BTBD9: variants seen among roughly 807,000 people sequenced by gnomAD.
BTBD9 encodes BTB/POZ domain-containing protein 9.
Under a neutral mutation model 64.3 loss-of-function variants are expected in BTBD9, and 49 were observed. The observed-to-expected ratio is 0.76, with a 90% CI of 0.61 to 0.97. BTBD9 has a LOEUF of 0.97. Among genes scored for constraint, BTBD9 ranks in the 50% least tolerant of loss-of-function variants. The pLI is 0.00. For missense variants in BTBD9, 598 were observed against 762.1 expected, an observed-to-expected ratio of 0.78 and a Z score of 2.53; for synonymous variants, 260 against 274.7, an observed-to-expected ratio of 0.95 and a Z score of 0.53.
At chr6:38,401,169 T>C (rs1330361656) in intron 6 of BTBD9, among the ~76,000 whole-genome samples, 3 of 152,200 alleles carry the variant, frequency 2.0e-5, no homozygotes, top group African/African-American at 7.2e-5. Context: ...GACTGGGTCA[T>C]GGGGACTGTT....
At chr6:38,384,685 C>T (rs1766079346) in intron 6 of BTBD9, among the ~76,000 whole-genome samples, 1 of 152,144 alleles carries the variant, frequency 6.6e-6, no homozygotes, top group African/African-American at 2.4e-5. Flanking sequence ...GTGATAACTC[C>T]TAAATAACCT....
intron 5 of BTBD9, among the ~76,000 whole-genome samples, chr6:38,578,968 C>G (rs1313544424): frequency 6.6e-6 from 1 of 152,060 alleles, no homozygotes; most frequent in Non-Finnish European, 1.5e-5. Flanking sequence ...GCTTTTAGAA[C>G]AGTGTCTACC....
chr6:38,174,700 T>C lies in BTBD9; in HGVS notation c.*285A>G. ...ATGACTTCCTCCTGTTCCCTGCGCCTGGGCTAGATTAGAGAGGTAGGGTGT... is the reference window on the plus strand; with the variant it reads ...ATGACTTCCTCCTGTTCCCTGCGCCCGGGCTAGATTAGAGAGGTAGGGTGT... On this transcript the variant is annotated 3_prime_UTR_variant, in exon 11 of 11. Coordinates refer to ENST00000481247, the MANE Select transcript of BTBD9 (RefSeq NM_001099272.2). 2.3e-6 allele frequency: 1 copy of C among 439,882 alleles called. No homozygotes were observed. Among genetic ancestry groups the C allele is most frequent in the Non-Finnish European group, 4.1e-6 (1 of 246,830 alleles). The allele number at this position is 439,882 out of a possible 1,614,324, so 27.2% of individuals were successfully genotyped here.
At chr6:38,267,457 T>G (rs763927349) in intron 8 of BTBD9, among the ~76,000 whole-genome samples, 4 of 151,728 alleles carry the variant, frequency 2.6e-5, no homozygotes, top group Non-Finnish European at 5.9e-5. Flanking sequence ...GGTAGGGGAG[T>G]AGAGTCACCT....
intron 6 of BTBD9, among the ~76,000 whole-genome samples, chr6:38,556,020 C>T (rs1346535940): frequency 1.3e-5 from 2 of 152,198 alleles, no homozygotes; most frequent in Admixed American, 6.5e-5. Flanking sequence ...CATTAGTGAA[C>T]ATTTTTATAC....
At chr6:38,511,620 G>A (rs1772779709) in intron 6 of BTBD9, among the ~76,000 whole-genome samples, 1 of 152,040 alleles carries the variant, frequency 6.6e-6, no homozygotes, top group South Asian at 2.1e-4. Flanking sequence ...GAGATTACAG[G>A]CATGAGCCAC....
In BTBD9 at chr6:38,432,245, T is replaced by C. The variant is rs1436441165; in HGVS notation, c.1155-87152A>G. On this transcript the variant is annotated intron_variant, in intron 6 of 10. Transcript: ENST00000481247. ...CCTTGGATTTCCCAGCCTCCAGCGC[T>C]GTGAGCCAAATATAGTTCTGAAACT... Among the ~76,000 whole-genome samples the C allele has an allele frequency of 2.0e-5, 3 of 152,166 alleles. No homozygotes were observed. In the South Asian group the frequency reaches 6.2e-4, roughly 32 times the overall value.
At position 38,263,662 on chromosome 6, in the gene BTBD9, C is replaced by A. The variant is rs143764243; in HGVS notation, c.1455-7146G>T. Among the ~76,000 whole-genome samples, 100 of 152,272 alleles carry A rather than the reference C, an allele frequency of 6.6e-4. 1 individual carries two copies. Among genetic ancestry groups the A allele is most frequent in the African/African-American group, 2.4e-3 (100 of 41,558 alleles). On this transcript the variant is annotated intron_variant, in intron 8 of 10. Coordinates refer to ENST00000481247, the MANE Select transcript of BTBD9 (RefSeq NM_001099272.2). ...GGCATACAGAAGCAAAGAAAGATAC[C>A]TGCAGTGAGAAGCAGAGACCACAGG...
chr6:38,501,885 T>A (rs910277282), intron 6 of BTBD9, among the ~76,000 whole-genome samples: 1 of 152,246 alleles, frequency 6.6e-6, no homozygotes, highest in Non-Finnish European at 1.5e-5. Flanking sequence ...TATATTGACA[T>A]GTAATGGGTT....
intron 6 of BTBD9, among the ~76,000 whole-genome samples, chr6:38,368,276 C>A (rs559745745): frequency 1.4e-4 from 22 of 152,292 alleles, no homozygotes; most frequent in African/African-American, 5.3e-4. Flanking sequence ...CAATTTCCAT[C>A]CCTTTGGGGG....
At chr6:38,254,419 C>A (rs1188814404) in intron 9 of BTBD9, among the ~76,000 whole-genome samples, 2 of 151,980 alleles carry the variant, frequency 1.3e-5, no homozygotes, top group Non-Finnish European at 2.9e-5. Context: ...CTTGGCCCAG[C>A]CTAGGCAATA....
At chr6:38,194,794 C>T (rs1171467765) in intron 9 of BTBD9, among the ~76,000 whole-genome samples, 4 of 152,162 alleles carry the variant, frequency 2.6e-5, no homozygotes, top group Non-Finnish European at 4.4e-5. Flanking sequence ...CTCTCCTCTC[C>T]CTACGTCAGT....
At chr6:38,283,454 C>T (rs1270118076) in intron 8 of BTBD9, among the ~76,000 whole-genome samples, 4 of 152,114 alleles carry the variant, frequency 2.6e-5, no homozygotes. Context: ...TCGAGACCAG[C>T]CTAGGCAACA....
chr6:38,531,691 A>G (rs1242769293), intron 6 of BTBD9, among the ~76,000 whole-genome samples: 9 of 152,238 alleles, frequency 5.9e-5, no homozygotes. Context: ...AGTTTTAAAA[A>G]AGCAGGGAGG....
intron 9 of BTBD9, among the ~76,000 whole-genome samples, chr6:38,247,314 T>A (rs1045333790): frequency 2.0e-5 from 3 of 152,188 alleles, no homozygotes; most frequent in African/African-American, 7.2e-5. Flanking sequence ...AGAAGAAATA[T>A]TTTCCTCTTT....
At chr6:38,209,295 T>C (rs1044367327) in intron 9 of BTBD9, among the ~76,000 whole-genome samples, 52 of 152,224 alleles carry the variant, frequency 3.4e-4, no homozygotes, top group African/African-American at 1.2e-3. Flanking sequence ...TGGACTCTTG[T>C]ACAGTAATCT....
chr6:38,216,395 C>A lies in BTBD9; in HGVS notation c.1563-23798G>T, dbSNP rs1763010072. Among the ~76,000 whole-genome samples, 2 of 152,218 alleles carry A rather than the reference C, an allele frequency of 1.3e-5. 1 individual carries two copies. The highest frequency in any genetic ancestry group is 1.3e-4 in the Admixed American group (2 of 15,280). Reference sequence around the variant, plus strand: ...TACAGGATCTGTGGAGCACTCCTCACAGTCCTTGGCTAGGACTATGGTGGC... The same window carrying A: ...TACAGGATCTGTGGAGCACTCCTCAAAGTCCTTGGCTAGGACTATGGTGGC... On this transcript the variant is annotated intron_variant, in intron 9 of 10. Transcript: ENST00000481247.
chr6:38,202,965 T>A (rs573043896), intron 9 of BTBD9, among the ~76,000 whole-genome samples: 4 of 152,118 alleles, frequency 2.6e-5, no homozygotes, highest in Non-Finnish European at 5.9e-5. Flanking sequence ...AACAAGGGAC[T>A]AATATCCAGA....
chr6:38,524,155 T>C (rs545436438), intron 6 of BTBD9, among the ~76,000 whole-genome samples: 93 of 151,854 alleles, frequency 6.1e-4, no homozygotes, highest in African/African-American at 2.1e-3. Context: ...AAATTAAATA[T>C]AAAATATAAG....
Sources: allele counts gnomAD v4.1 joint callset (sites outside exome capture counted in the v4.1 genomes callset), GRCh38; gene constraint gnomAD v4.1.1; transcripts MANE v1.5; gene names NCBI Gene and HGNC (gene_info 2026-07-23, HGNC 2026-07-21).